SLC20A2: variants seen among roughly 807,000 people sequenced by gnomAD.
SLC20A2 encodes sodium-dependent phosphate transporter 2.
Under a neutral mutation model 61.0 loss-of-function variants are expected in SLC20A2, and 30 were observed. That is an observed-to-expected ratio of 0.49 (90% CI 0.37 to 0.67). SLC20A2 has a LOEUF of 0.67. Among genes scored for constraint, SLC20A2 ranks in the 30% least tolerant of loss-of-function variants. The pLI is 0.00. For synonymous variants in SLC20A2, 351 were observed against 353.3 expected (o/e 0.99, Z 0.07); for missense variants, 626 against 866.4 (o/e 0.72, Z 3.48).
At chr8:42,471,000 AAATGT>A (rs1302888771) in intron 2 of SLC20A2, 2 of 349,872 alleles carry the variant, frequency 5.7e-6, no homozygotes, top group African/African-American at 2.2e-5. Flanking sequence ...AGAAAAGAAA[AAATGT>A]AAGTGACAAA....
chr8:42,513,827 G>T (rs1022741332), intron 1 of SLC20A2, among the ~76,000 whole-genome samples: 1 of 152,150 alleles, frequency 6.6e-6, no homozygotes, highest in African/African-American at 2.4e-5. Context: ...GCTTGGGGGA[G>T]ATTTTGCGAT....
intron 9 of SLC20A2, among the ~76,000 whole-genome samples, chr8:42,429,397 C>T (rs751554507): frequency 4.6e-5 from 7 of 152,190 alleles, no homozygotes; most frequent in Non-Finnish European, 1.0e-4. Flanking sequence ...CCGGTCCTCC[C>T]CACCCCAGCT....
chr8:42,461,856 T>G (rs1200378779), intron 4 of SLC20A2, among the ~76,000 whole-genome samples: 1 of 152,146 alleles, frequency 6.6e-6, no homozygotes, highest in Non-Finnish European at 1.5e-5. Context: ...TCATTCCCTC[T>G]GCCTAAATAT....
intron 5 of SLC20A2, among the ~76,000 whole-genome samples, chr8:42,451,409 G>A (rs1244026884): frequency 6.8e-6 from 1 of 147,628 alleles, no homozygotes; most frequent in Non-Finnish European, 1.5e-5. Context: ...AGAGATAGAG[G>A]AGAAGGAGTA....
rs1285794097 is a variant in SLC20A2 at position 42,491,210 on chromosome 8, G to A, written c.-265+9821C>T. Among the ~76,000 whole-genome samples, 9 of 152,160 alleles carry A rather than the reference G, an allele frequency of 5.9e-5. No homozygotes were observed. The East Asian group carries it at 1.5e-3, about 26-fold the overall frequency. On this transcript the variant is annotated intron_variant, in intron 1 of 10. Coordinates refer to ENST00000520262, the MANE Select transcript of SLC20A2 (RefSeq NM_001257180.2). Reference sequence around the variant, plus strand: ...AGGTCAGGAGTTAGAGACCAGCCTGGCCAACATGGCAATACAAAAATTGGC... The same window carrying A: ...AGGTCAGGAGTTAGAGACCAGCCTGACCAACATGGCAATACAAAAATTGGC...
intron 5 of SLC20A2, among the ~76,000 whole-genome samples, chr8:42,457,584 T>C (rs1806315425): frequency 6.6e-6 from 1 of 151,968 alleles, no homozygotes; most frequent in Non-Finnish European, 1.5e-5. Context: ...GGGTTCAGGT[T>C]CAAGCAATTA....
At chr8:42,524,883 C>T (rs1811825096) in intron 1 of SLC20A2, among the ~76,000 whole-genome samples, 1 of 152,148 alleles carries the variant, frequency 6.6e-6, no homozygotes, top group African/African-American at 2.4e-5. Flanking sequence ...TTCTTAAATG[C>T]TTTTGCTACT....
rs181051316 is a variant in SLC20A2 at position 42,470,564 on chromosome 8, G to C, written c.289+1538C>G. Among the ~76,000 whole-genome samples the C allele has an allele frequency of 7.2e-4, 110 of 152,248 alleles. No individual in the cohort carries two copies. In the East Asian group the frequency reaches 0.011, roughly 15 times the overall value. On this transcript the variant is annotated intron_variant, in intron 2 of 10. Transcript: ENST00000520262. ...CTGGTGTGTGTTACTGGCCTACAGT[G>C]CTTGGTGAATATGCAATTCCTTAGT...
At chr8:42,419,291 C>T (rs550844220) in intron 10 of SLC20A2, among the ~76,000 whole-genome samples, 11 of 152,102 alleles carry the variant, frequency 7.2e-5, no homozygotes, top group Admixed American at 2.0e-4. Context: ...TTTACCAGGC[C>T]GGGCATGGTG....
intron 1 of SLC20A2, among the ~76,000 whole-genome samples, chr8:42,509,308 G>A (rs931235210): frequency 6.6e-5 from 10 of 152,080 alleles, no homozygotes; most frequent in Middle Eastern, 3.2e-3. Flanking sequence ...AGAGCACAAG[G>A]TCAGACACGT....
chr8:42,534,261 C>A (rs554091707), intron 1 of SLC20A2, among the ~76,000 whole-genome samples: 1 of 151,922 alleles, frequency 6.6e-6, no homozygotes, highest in Admixed American at 6.6e-5. Flanking sequence ...CCAGTCTGGG[C>A]GACAGAATGA....
At chr8:42,508,024 G>A (rs562649118) in intron 1 of SLC20A2, among the ~76,000 whole-genome samples, 9 of 152,206 alleles carry the variant, frequency 5.9e-5, no homozygotes, top group Middle Eastern at 3.4e-3. Context: ...TTAGCTAGGC[G>A]TGGTGGTACA....
chr8:42,512,355 C>CG, intron 1 of SLC20A2, among the ~76,000 whole-genome samples: 1 of 143,974 alleles, frequency 6.9e-6, no homozygotes, highest in East Asian at 2.0e-4. Context: ...TTGAAAAACT[C>CG]TTTTTTTTTT....
chr8:42,532,304 G>A (rs930444355), intron 1 of SLC20A2, among the ~76,000 whole-genome samples: 7 of 152,118 alleles, frequency 4.6e-5, no homozygotes, highest in Non-Finnish European at 7.4e-5. Flanking sequence ...CCAATTTCTA[G>A]AAATTAACAA....
chr8:42,474,360 G>C (rs578033180), intron 1 of SLC20A2, among the ~76,000 whole-genome samples: 1 of 151,818 alleles, frequency 6.6e-6, no homozygotes, highest in Non-Finnish European at 1.5e-5. Flanking sequence ...GAGCATCATC[G>C]ATGTGCAATG....
intron 1 of SLC20A2, among the ~76,000 whole-genome samples, chr8:42,529,867 C>A (rs1323669910): frequency 6.6e-6 from 1 of 152,172 alleles, no homozygotes; most frequent in Non-Finnish European, 1.5e-5. Flanking sequence ...TAATACTAAT[C>A]ATAAAATATA....
chr8:42,517,438 A>AG (rs1257316300), intron 1 of SLC20A2, among the ~76,000 whole-genome samples: 2 of 152,082 alleles, frequency 1.3e-5, no homozygotes, highest in Non-Finnish European at 2.9e-5. Flanking sequence ...ATGGGAACTT[A>AG]GAGTACCTTA....
intron 1 of SLC20A2, among the ~76,000 whole-genome samples, chr8:42,530,576 T>C (rs1586281833): frequency 6.6e-6 from 1 of 152,170 alleles, no homozygotes; most frequent in Non-Finnish European, 1.5e-5. Flanking sequence ...TGGTCAAATA[T>C]GCTCAACTGT....
chr8:42,430,987 C>T (rs1803830520), intron 8 of SLC20A2, among the ~76,000 whole-genome samples: 1 of 152,188 alleles, frequency 6.6e-6, no homozygotes, highest in Admixed American at 6.6e-5. Flanking sequence ...CTCCTCCAGC[C>T]TATTTCCTGA....
Sources: allele counts gnomAD v4.1 joint callset (sites outside exome capture counted in the v4.1 genomes callset), GRCh38; gene constraint gnomAD v4.1.1; transcripts MANE v1.5; gene names NCBI Gene and HGNC (gene_info 2026-07-23, HGNC 2026-07-21).